Variants in GRIK4 observed in about 807,000 individuals in gnomAD.
GRIK4 encodes glutamate receptor ionotropic, kainate 4.
In GRIK4, 40 loss-of-function variants were observed where a neutral mutation model predicts 104.9. The ratio of observed to expected loss-of-function variants is 0.38; its 90% confidence interval spans 0.30 to 0.50. The LOEUF is 0.50. GRIK4 is among the 20% of genes least tolerant of loss of function. The probability of loss-of-function intolerance (pLI) is 0.93; values close to 1 mark genes in which losing one functional copy is unlikely to be tolerated. For synonymous variants in GRIK4, 485 were observed against 524.9 expected, an observed-to-expected ratio of 0.92 and a Z score of 1.04; for missense variants, 1,047 against 1,308.1, an observed-to-expected ratio of 0.80 and a Z score of 3.08.
At chr11:120,738,451 A>G (rs1951265420) in intron 3 of GRIK4, among the ~76,000 whole-genome samples, 1 of 152,228 alleles carries the variant, frequency 6.6e-6, no homozygotes, top group Admixed American at 6.5e-5. Context: ...CAGGCACAAT[A>G]CAAGTCAGAC....
intron 3 of GRIK4, among the ~76,000 whole-genome samples, chr11:120,674,553 G>A (rs937635781): frequency 6.6e-6 from 1 of 152,234 alleles, no homozygotes; most frequent in African/African-American, 2.4e-5. Context: ...TTCCCTAAGT[G>A]GAATCACCTC....
intron 14 of GRIK4, among the ~76,000 whole-genome samples, chr11:120,944,068 T>C (rs571488096): frequency 1.3e-5 from 2 of 152,280 alleles, no homozygotes; most frequent in Admixed American, 6.5e-5. Context: ...TACTCCCTGT[T>C]ACTCACAGGC....
At chr11:120,741,238 A>G (rs1951325595) in intron 3 of GRIK4, among the ~76,000 whole-genome samples, 1 of 151,786 alleles carries the variant, frequency 6.6e-6, no homozygotes, top group African/African-American at 2.4e-5. Flanking sequence ...GCCTCAGTTT[A>G]CACAGCTGAG....
chr11:120,675,301 G>C (rs1285802789), intron 3 of GRIK4, among the ~76,000 whole-genome samples: 2 of 152,210 alleles, frequency 1.3e-5, no homozygotes, highest in Non-Finnish European at 2.9e-5. Context: ...TTGGCTTATA[G>C]TTGCAGCCTG....
chr11:120,686,387 TA>T (rs1565294931), intron 3 of GRIK4, among the ~76,000 whole-genome samples: 4 of 152,364 alleles, frequency 2.6e-5, no homozygotes, highest in African/African-American at 9.6e-5. Flanking sequence ...GTGCCACTTA[TA>T]GTACCTAAAT....
At chr11:120,649,958 C>T (rs1273904883) in intron 1 of GRIK4, among the ~76,000 whole-genome samples, 1 of 152,176 alleles carries the variant, frequency 6.6e-6, no homozygotes, top group African/African-American at 2.4e-5. Context: ...AAAGCCTTGG[C>T]TCATGTGGTC....
At chr11:120,828,236 T>C (rs372114912) in intron 6 of GRIK4, among the ~76,000 whole-genome samples, 1 of 152,290 alleles carries the variant, frequency 6.6e-6, no homozygotes, top group South Asian at 2.1e-4. Context: ...CTGAAATCAT[T>C]TATGCACATA....
At chr11:120,710,970 C>A (rs529661986) in intron 3 of GRIK4, among the ~76,000 whole-genome samples, 5 of 150,844 alleles carry the variant, frequency 3.3e-5, no homozygotes, top group East Asian at 3.9e-4. Context: ...CCAGGCGGCC[C>A]GGCCAGCCTC....
At chr11:120,818,527 T>C (rs757658860) in intron 5 of GRIK4, among the ~76,000 whole-genome samples, 1 of 152,246 alleles carries the variant, frequency 6.6e-6, no homozygotes, top group Non-Finnish European at 1.5e-5. Flanking sequence ...CCTCTCCCTA[T>C]GGTTTAAAGG....
intron 3 of GRIK4, among the ~76,000 whole-genome samples, chr11:120,772,709 G>A (rs1951970693): frequency 2.0e-5 from 3 of 151,858 alleles, no homozygotes; most frequent in South Asian, 2.1e-4. Context: ...GGAGAGAAGG[G>A]AAGATGAAGT....
At chr11:120,668,596 C>T (rs1290455348) in intron 3 of GRIK4, among the ~76,000 whole-genome samples, 1 of 152,134 alleles carries the variant, frequency 6.6e-6, no homozygotes, top group Non-Finnish European at 1.5e-5. Context: ...TCTCCCTCTC[C>T]TCTCAGTCTC....
intron 3 of GRIK4, among the ~76,000 whole-genome samples, chr11:120,741,073 T>C (rs962391379): frequency 2.6e-5 from 4 of 152,112 alleles, no homozygotes; most frequent in Non-Finnish European, 5.9e-5. Flanking sequence ...ACTGCTGTGC[T>C]GTCTCTCTCG....
At chr11:120,751,536 G>A (rs1196411086) in intron 3 of GRIK4, among the ~76,000 whole-genome samples, 1 of 152,154 alleles carries the variant, frequency 6.6e-6, no homozygotes, top group African/African-American at 2.4e-5. Context: ...TCTGCATAGA[G>A]TCCCCAGGAG....
intron 1 of GRIK4, among the ~76,000 whole-genome samples, chr11:120,556,863 G>T (rs775286442): frequency 3.9e-5 from 6 of 152,076 alleles, no homozygotes; most frequent in African/African-American, 9.7e-5. Context: ...TCAACTCTGC[G>T]CGGGGCCTCT....
chr11:120,944,081 G>A (rs1347172295), intron 14 of GRIK4, among the ~76,000 whole-genome samples: 1 of 151,984 alleles, frequency 6.6e-6, no homozygotes, highest in Non-Finnish European at 1.5e-5. Context: ...TCACAGGCTG[G>A]CTGAGGAGTC....
chr11:120,566,115 G>A (rs1948319413), intron 1 of GRIK4, among the ~76,000 whole-genome samples: 2 of 152,246 alleles, frequency 1.3e-5, no homozygotes, highest in South Asian at 4.1e-4. Flanking sequence ...TTTAAAGCCT[G>A]TTCTTTGCCT....
intron 7 of GRIK4, among the ~76,000 whole-genome samples, chr11:120,836,174 G>T (rs1953571425): frequency 6.6e-6 from 1 of 152,204 alleles, no homozygotes; most frequent in African/African-American, 2.4e-5. Context: ...AGTCCTGAAG[G>T]GGGAGTATAG....
chr11:120,780,864 C>A (rs1952142730), intron 3 of GRIK4, among the ~76,000 whole-genome samples: 1 of 152,186 alleles, frequency 6.6e-6, no homozygotes, highest in African/African-American at 2.4e-5. Flanking sequence ...GCCTCAGCCT[C>A]CTGAGTAGCT....
At chr11:120,688,505 T>C (rs2135304011) in intron 3 of GRIK4, among the ~76,000 whole-genome samples, 1 of 152,258 alleles carries the variant, frequency 6.6e-6, no homozygotes, top group African/African-American at 2.4e-5. Context: ...GGAGTGTAAC[T>C]GTGGGCCCAG....
Sources: allele counts gnomAD v4.1 joint callset (sites outside exome capture counted in the v4.1 genomes callset), GRCh38; gene constraint gnomAD v4.1.1; transcripts MANE v1.5; gene names NCBI Gene and HGNC (gene_info 2026-07-23, HGNC 2026-07-21).